Variants in ZBTB7C observed in about 807,000 individuals in gnomAD.
ZBTB7C encodes the protein zinc finger and BTB domain containing 7C.
In ZBTB7C, 8 loss-of-function variants were observed where a neutral mutation model predicts 25.7. That is an observed-to-expected ratio of 0.31 (90% confidence interval 0.18 to 0.56). The LOEUF is 0.56. Ranked by LOEUF, ZBTB7C falls within the 20% of genes least tolerant of loss-of-function variation. The pLI is 0.91. For missense variants in ZBTB7C, 824 were observed against 855.2 expected (o/e 0.96, Z 0.46); for synonymous variants, 394 against 369.0 (o/e 1.07, Z -0.78).
At chr18:48,073,464 G>A (rs1478378106) in intron 3 of ZBTB7C, among the ~76,000 whole-genome samples, 3 of 152,132 alleles carry the variant, frequency 2.0e-5, no homozygotes, top group Admixed American at 6.5e-5. Context: ...TTGTGGGCTT[G>A]GGTGTGGGGT....
intron 2 of ZBTB7C, among the ~76,000 whole-genome samples, chr18:48,251,770 G>A (rs2043865517): frequency 6.6e-6 from 1 of 152,162 alleles, no homozygotes; most frequent in Non-Finnish European, 1.5e-5. Flanking sequence ...ACCAATCTCT[G>A]CGGCCCTATG....
intron 2 of ZBTB7C, among the ~76,000 whole-genome samples, chr18:48,216,977 C>A (rs1243448863): frequency 6.6e-6 from 1 of 152,152 alleles, no homozygotes; most frequent in Non-Finnish European, 1.5e-5. Flanking sequence ...GAGGTTTGGA[C>A]ACCAGCATGC....
At chr18:48,041,490 C>T (rs1341324032) in intron 3 of ZBTB7C, 1 of 985,316 alleles carries the variant, frequency 1.0e-6, no homozygotes, top group South Asian at 4.7e-5. Context: ...GTTGCCTTGG[C>T]TGCAGGAACA....
chr18:48,290,125 C>T (rs1324378264), intron 2 of ZBTB7C, among the ~76,000 whole-genome samples: 2 of 152,184 alleles, frequency 1.3e-5, no homozygotes, highest in African/African-American at 2.4e-5. Context: ...TTTAGCACCT[C>T]GTACACGCTC....
At chr18:48,103,782 TACA>T (rs1412793427) in intron 3 of ZBTB7C, among the ~76,000 whole-genome samples, 2 of 151,964 alleles carry the variant, frequency 1.3e-5, no homozygotes, top group African/African-American at 4.9e-5. Flanking sequence ...TGTTCCATGC[TACA>T]ACATGGAGGA....
intron 2 of ZBTB7C, among the ~76,000 whole-genome samples, chr18:48,327,106 C>T (rs546520712): frequency 3.4e-4 from 52 of 152,218 alleles, no homozygotes; most frequent in African/African-American, 1.1e-3. Context: ...AGAGAAAGCC[C>T]GGTCTGCTGG....
chr18:48,212,700 G>A (rs563564231), intron 2 of ZBTB7C, among the ~76,000 whole-genome samples: 1 of 152,214 alleles, frequency 6.6e-6, no homozygotes, highest in South Asian at 2.1e-4. Context: ...AGAGAAGAGA[G>A]GGGACAAGTT....
chr18:48,081,232 T>C (rs2037969338), intron 3 of ZBTB7C, among the ~76,000 whole-genome samples: 1 of 152,202 alleles, frequency 6.6e-6, no homozygotes, highest in South Asian at 2.1e-4. Flanking sequence ...CCAGGGAGGC[T>C]TAGCATAGCT....
At chr18:48,212,936 G>C (rs569758338) in intron 2 of ZBTB7C, among the ~76,000 whole-genome samples, 16 of 152,242 alleles carry the variant, frequency 1.1e-4, no homozygotes, top group African/African-American at 3.9e-4. Flanking sequence ...CTATGTGTGG[G>C]GGCTACAAAA....
chr18:48,227,394 G>C (rs2043132567), intron 2 of ZBTB7C, among the ~76,000 whole-genome samples: 1 of 152,238 alleles, frequency 6.6e-6, no homozygotes, highest in African/African-American at 2.4e-5. Context: ...GTTTGTGGCT[G>C]AGCAAGCTGC....
At chr18:48,167,141 C>T (rs1284423347) in intron 3 of ZBTB7C, among the ~76,000 whole-genome samples, 2 of 152,172 alleles carry the variant, frequency 1.3e-5, no homozygotes, top group Non-Finnish European at 1.5e-5. Context: ...ATATCCAGAC[C>T]CTTCCTCCAC....
Position 48,397,288 on chromosome 18 carries a change from G to C in ZBTB7C, c.-304+11938C>G, listed in dbSNP as rs2048050987. On this transcript the variant is annotated intron_variant, in intron 1 of 4. Transcript: ENST00000590800. ...CCATGCCTGACCCCCTTAACCAAAT[G>C]TATTTCCTCCTGCTTCCTACACACA... is the stretch of plus-strand genomic sequence containing the variant. Among the ~76,000 whole-genome samples the C allele has an allele frequency of 2.0e-5, 3 of 152,158 alleles. No individual in the cohort carries two copies. In the South Asian group the frequency reaches 6.2e-4, roughly 31 times the overall value.
chr18:48,144,771 G>A (rs1221847389), intron 3 of ZBTB7C, among the ~76,000 whole-genome samples: 1 of 152,158 alleles, frequency 6.6e-6, no homozygotes. Context: ...CCGATTGAGG[G>A]ATTGGGGAGT....
intron 4 of ZBTB7C, among the ~76,000 whole-genome samples, chr18:48,030,975 A>G (rs2035720884): frequency 6.6e-6 from 1 of 152,212 alleles, no homozygotes; most frequent in Non-Finnish European, 1.5e-5. Flanking sequence ...CAGTGGGGCC[A>G]TAGGGGCCAG....
chr18:48,135,564 GGTT>G (rs2040125099), intron 3 of ZBTB7C, among the ~76,000 whole-genome samples: 1 of 152,128 alleles, frequency 6.6e-6, no homozygotes, highest in African/African-American at 2.4e-5. Context: ...ATGCAGCCCA[GGTT>G]GTGCCTTAAG....
intron 2 of ZBTB7C, among the ~76,000 whole-genome samples, chr18:48,267,618 C>T (rs1417440414): frequency 1.3e-5 from 2 of 152,170 alleles, no homozygotes; most frequent in Non-Finnish European, 2.9e-5. Context: ...CAATACGTGT[C>T]TCCATCAAAC....
At chr18:48,067,783 C>T (rs932817762) in intron 3 of ZBTB7C, among the ~76,000 whole-genome samples, 1 of 152,124 alleles carries the variant, frequency 6.6e-6, no homozygotes, top group African/African-American at 2.4e-5. Flanking sequence ...GGGCAGATCA[C>T]CTGAGGTTGG....
chr18:48,295,064 T>C (rs557785199), intron 2 of ZBTB7C, among the ~76,000 whole-genome samples: 7 of 152,162 alleles, frequency 4.6e-5, no homozygotes, highest in African/African-American at 1.7e-4. Flanking sequence ...TGAAAGTCAG[T>C]GCCACTCAGG....
At chr18:48,050,093 T>C (rs2036623397) in intron 3 of ZBTB7C, among the ~76,000 whole-genome samples, 1 of 152,186 alleles carries the variant, frequency 6.6e-6, no homozygotes, top group Non-Finnish European at 1.5e-5. Context: ...GGAATGAGGT[T>C]GGGCAGCGGC....
Sources: allele counts gnomAD v4.1 joint callset (sites outside exome capture counted in the v4.1 genomes callset), GRCh38; gene constraint gnomAD v4.1.1; transcripts MANE v1.5; gene names NCBI Gene and HGNC (gene_info 2026-07-23, HGNC 2026-07-21).